The following CSMD1 variants were observed in gnomAD, a reference collection of about 807,000 sequenced individuals.
The protein encoded by CSMD1 is CUB and sushi domain-containing protein 1.
A neutral mutation model predicts 417.5 loss-of-function variants in CSMD1; 213 were observed. That is an observed-to-expected ratio of 0.51 (90% CI 0.46 to 0.57). The LOEUF (loss-of-function observed/expected upper bound fraction) is 0.57. CSMD1 is among the 20% of genes least tolerant of loss of function. CSMD1 has a pLI of 0.00. For synonymous variants in CSMD1, 2,862 were observed against 1,736.8 expected, an observed-to-expected ratio of 1.65 and a Z score of -16.11; for missense variants, 6,923 against 4,529.7, an observed-to-expected ratio of 1.53 and a Z score of -15.17.
chr8:2,968,267 G>T (rs1166684523), intron 57 of CSMD1, among the ~76,000 whole-genome samples: 1 of 152,218 alleles, frequency 6.6e-6, no homozygotes, highest in African/African-American at 2.4e-5. Flanking sequence ...TGGAAAGCCT[G>T]TCACAGAAAG....
intron 3 of CSMD1, among the ~76,000 whole-genome samples, chr8:4,315,074 T>C (rs1349423639): frequency 6.6e-6 from 1 of 152,162 alleles, no homozygotes; most frequent in Non-Finnish European, 1.5e-5. Flanking sequence ...ACCATTTGAA[T>C]GGGCATCTCG....
intron 6 of CSMD1, among the ~76,000 whole-genome samples, chr8:3,723,051 G>A (rs1174146114): frequency 2.0e-5 from 3 of 152,270 alleles, no homozygotes; most frequent in Non-Finnish European, 4.4e-5. Context: ...AGGAACTAGC[G>A]CAGCTGCTTT....
chr8:4,015,150 G>A (rs1217822416), intron 4 of CSMD1, among the ~76,000 whole-genome samples: 1 of 152,106 alleles, frequency 6.6e-6, no homozygotes, highest in African/African-American at 2.4e-5. Flanking sequence ...TTGAAAGCTA[G>A]GTTTCTTATA....
chr8:4,897,087 C>T (rs1804547716), intron 1 of CSMD1, among the ~76,000 whole-genome samples: 1 of 151,988 alleles, frequency 6.6e-6, no homozygotes, highest in Non-Finnish European at 1.5e-5. Context: ...TGAGTGCCTA[C>T]AATTTCAGGC....
chr8:3,090,263 G>T (rs1814846543), intron 48 of CSMD1, among the ~76,000 whole-genome samples: 1 of 131,592 alleles, frequency 7.6e-6, no homozygotes, highest in East Asian at 2.5e-4. Flanking sequence ...CTTGCAGTGA[G>T]CCGAGATCGC....
intron 3 of CSMD1, among the ~76,000 whole-genome samples, chr8:4,407,867 G>T (rs1431120864): frequency 6.6e-6 from 1 of 152,126 alleles, no homozygotes; most frequent in East Asian, 1.9e-4. Flanking sequence ...GTGGAATGTT[G>T]AAAGCTCATA....
intron 1 of CSMD1, among the ~76,000 whole-genome samples, chr8:4,728,826 C>T (rs557144762): frequency 6.6e-6 from 1 of 151,828 alleles, no homozygotes; most frequent in Non-Finnish European, 1.5e-5. Flanking sequence ...CAAAACACCT[C>T]GAAACAAAAA....
At chr8:3,629,224 C>G (rs1212493541) in intron 7 of CSMD1, among the ~76,000 whole-genome samples, 1 of 152,078 alleles carries the variant, frequency 6.6e-6, no homozygotes, top group Non-Finnish European at 1.5e-5. Context: ...CAAGAAAATC[C>G]AGGTCAGTTA....
chr8:3,421,458 A>G (rs1813483687), intron 12 of CSMD1, among the ~76,000 whole-genome samples: 2 of 152,248 alleles, frequency 1.3e-5, no homozygotes, highest in South Asian at 4.1e-4. Flanking sequence ...TCTCTACCTT[A>G]TCAAAGACTT....
At chr8:4,163,097 C>T (rs1387261198) in intron 3 of CSMD1, among the ~76,000 whole-genome samples, 5 of 152,144 alleles carry the variant, frequency 3.3e-5, no homozygotes, top group African/African-American at 9.7e-5. Flanking sequence ...AATAATATTC[C>T]ATTGTCTGAT....
intron 2 of CSMD1, among the ~76,000 whole-genome samples, chr8:4,611,168 G>A (rs1801147414): frequency 6.6e-6 from 1 of 151,886 alleles, no homozygotes; most frequent in Admixed American, 6.6e-5. Flanking sequence ...TCTCTATATG[G>A]GTTTATAGAT....
intron 50 of CSMD1, among the ~76,000 whole-genome samples, chr8:3,042,842 T>C (rs11988882): frequency 0.027 from 4,132 of 152,214 alleles, 193 homozygotes; most frequent in African/African-American, 0.094. Context: ...AGATATGACC[T>C]AGTACTGCAG....
At chr8:4,028,109 G>A (rs866151891) in intron 4 of CSMD1, among the ~76,000 whole-genome samples, 5 of 151,986 alleles carry the variant, frequency 3.3e-5, no homozygotes, top group African/African-American at 4.8e-5. Flanking sequence ...AAATGAAAAT[G>A]GACATAATAA....
At chr8:3,959,059 C>A (rs975039789) in intron 5 of CSMD1, among the ~76,000 whole-genome samples, 30 of 152,220 alleles carry the variant, frequency 2.0e-4, no homozygotes, top group African/African-American at 6.5e-4. Context: ...TACTCCCCAG[C>A]ACCATGTTTC....
intron 25 of CSMD1, among the ~76,000 whole-genome samples, chr8:3,302,189 G>C (rs1460674736): frequency 6.6e-6 from 1 of 152,192 alleles, no homozygotes; most frequent in African/African-American, 2.4e-5. Flanking sequence ...GGGAACACGT[G>C]ATGAGCTCTG....
intron 3 of CSMD1, among the ~76,000 whole-genome samples, chr8:4,411,557 T>G (rs1369405928): frequency 6.6e-6 from 1 of 152,176 alleles, no homozygotes. Context: ...ATTAATTAAT[T>G]TTTTCTGTGC....
chr8:4,031,138 C>G (rs1207480318), intron 4 of CSMD1, among the ~76,000 whole-genome samples: 4 of 152,212 alleles, frequency 2.6e-5, no homozygotes, highest in Non-Finnish European at 4.4e-5. Flanking sequence ...GTTCTAAACT[C>G]TGCCTGTTAT....
chr8:4,257,939 T>G (rs1803579375), intron 3 of CSMD1, among the ~76,000 whole-genome samples: 1 of 152,148 alleles, frequency 6.6e-6, no homozygotes, highest in Non-Finnish European at 1.5e-5. Flanking sequence ...ATAGCCTTTT[T>G]CAAAATCATT....
At chr8:4,020,751 C>A (rs1046844809) in intron 4 of CSMD1, among the ~76,000 whole-genome samples, 4 of 152,220 alleles carry the variant, frequency 2.6e-5, no homozygotes, top group East Asian at 1.9e-4. Flanking sequence ...TTAGACCCAA[C>A]GTCATTACTT....
Sources: allele counts gnomAD v4.1 joint callset (sites outside exome capture counted in the v4.1 genomes callset), GRCh38; gene constraint gnomAD v4.1.1; transcripts MANE v1.5; gene names NCBI Gene and HGNC (gene_info 2026-07-23, HGNC 2026-07-21).